Variants in VPS26C observed in about 807,000 individuals in gnomAD.
VPS26C encodes VPS26 endosomal protein sorting factor C.
VPS26C carries 19 observed loss-of-function variants against 30.6 expected under a neutral mutation model. That is an observed-to-expected ratio of 0.62 (90% confidence interval 0.43 to 0.91). The LOEUF (loss-of-function observed/expected upper bound fraction) is 0.91, where lower values mean the gene tolerates loss of function less well. Ranked by LOEUF, VPS26C falls within the 40% of genes least tolerant of loss-of-function variation. VPS26C has a pLI of 0.00. For synonymous variants in VPS26C, 132 were observed against 151.5 expected, an observed-to-expected ratio of 0.87 and a Z score of 0.95; for missense variants, 318 against 385.1, an observed-to-expected ratio of 0.83 and a Z score of 1.46.
At chr21:37,234,829 T>G (rs1385652429) in intron 3 of VPS26C, among the ~76,000 whole-genome samples, 2 of 152,026 alleles carry the variant, frequency 1.3e-5, no homozygotes, top group Non-Finnish European at 2.9e-5. Flanking sequence ...GTAGAATATA[T>G]ATACAATATA....
At chr21:37,250,090 G>A (rs1417659282) in intron 1 of VPS26C, among the ~76,000 whole-genome samples, 2 of 151,814 alleles carry the variant, frequency 1.3e-5, no homozygotes, top group Non-Finnish European at 2.9e-5. Flanking sequence ...GATCACCTGA[G>A]ATCAGGAGTT....
chr21:37,261,589 CT>C (rs895629740), intron 1 of VPS26C: 23 of 151,542 alleles, frequency 1.5e-4, no homozygotes, highest in Middle Eastern at 3.4e-3. Flanking sequence ...TTTTGTAAGG[CT>C]ATGGGTGACA....
intron 1 of VPS26C, among the ~76,000 whole-genome samples, chr21:37,246,563 C>T (rs2086139721): frequency 6.6e-6 from 1 of 152,074 alleles, no homozygotes; most frequent in Admixed American, 6.5e-5. Context: ...TGAGGATTAA[C>T]TCCATTTAAT....
At chr21:37,234,365 G>C (rs2085997927) in intron 3 of VPS26C, among the ~76,000 whole-genome samples, 1 of 152,202 alleles carries the variant, frequency 6.6e-6, no homozygotes, top group Non-Finnish European at 1.5e-5. Context: ...GCTGTCCCTA[G>C]GTTAGTTTTC....
chr21:37,240,709 C>T lies in VPS26C; in HGVS notation c.58-70G>A, dbSNP rs1428326484. 5.2e-6 allele frequency: 8 copies of T among 1,543,328 alleles called. No individual in the cohort carries two copies. In the East Asian group the frequency reaches 1.1e-4, roughly 22 times the overall value. On this transcript the variant is annotated intron_variant, in intron 1 of 7. Transcript: ENST00000309117. ...CCATTCTACCTTGTTTATTAGCAAA[C>T]GTAGGTCTCCTTCATCATCAATTTG...
At chr21:37,261,937 C>A (rs2086308498) in intron 1 of VPS26C, 1 of 151,656 alleles carries the variant, frequency 6.6e-6, no homozygotes, top group Non-Finnish European at 1.5e-5. Flanking sequence ...AATTCACTCA[C>A]CTATTAAAAA....
intron 1 of VPS26C, 32 bp downstream of exon 1, chr21:37,267,206 C>CCCCAACAA: frequency 7.3e-6 from 7 of 962,932 alleles, no homozygotes; most frequent in Non-Finnish European, 1.2e-5. Flanking sequence ...CGCCCAACCC[C>CCCCAACAA]ACCTCCATCC....
At chr21:37,245,000 A>G (rs2086123358) in intron 1 of VPS26C, among the ~76,000 whole-genome samples, 2 of 152,222 alleles carry the variant, frequency 1.3e-5, no homozygotes. Context: ...TGGTTACTGC[A>G]TGGGCTCATG....
rs151019707 is a variant in VPS26C at position 37,257,009 on chromosome 21, G to A, written c.57+10229C>T. 2.0e-5 allele frequency among the ~76,000 whole-genome samples: 3 copies of A among 152,220 alleles called. No individual in the cohort carries two copies. The highest frequency in any genetic ancestry group is 7.2e-5 in the African/African-American group (3 of 41,506). On this transcript the variant is annotated intron_variant, in intron 1 of 7. Coordinates refer to ENST00000309117, the MANE Select transcript of VPS26C (RefSeq NM_006052.2). This position sits in a 1 kb window ranked among gnomAD's most constrained non-coding sequence, Gnocchi z 4.2. ...TAGCCAAGCGTGGTAGCACGCACCT[G>A]TAATCCCAGCTACTCGGGAGGCTGA... is the stretch of plus-strand genomic sequence containing the variant.
At chr21:37,227,899 A>G (rs1484741282) in intron 6 of VPS26C, 93 bp from the exon 7 acceptor site, 1 of 1,516,716 alleles carries the variant, frequency 6.6e-7, no homozygotes, top group South Asian at 1.2e-5. Context: ...TGCTCCAAGA[A>G]TCCTCCAGGG....
At chr21:37,239,355 T>C (rs951305204) in intron 2 of VPS26C, among the ~76,000 whole-genome samples, 5 of 152,234 alleles carry the variant, frequency 3.3e-5, no homozygotes, top group African/African-American at 1.2e-4. Context: ...CTTCACTCTT[T>C]TCCCTGCAAA....
intron 1 of VPS26C, among the ~76,000 whole-genome samples, chr21:37,251,658 G>A (rs1313651698): frequency 6.6e-6 from 1 of 152,160 alleles, no homozygotes; most frequent in Admixed American, 6.5e-5. Flanking sequence ...AGGGGGTATC[G>A]ATCTTGAAAT....
chr21:37,239,917 A>G (rs1040664640), intron 2 of VPS26C, among the ~76,000 whole-genome samples: 2 of 152,258 alleles, frequency 1.3e-5, no homozygotes, highest in Admixed American at 1.3e-4. Flanking sequence ...TTAATGGCTG[A>G]AATTAATACA....
At chr21:37,253,095 G>A (rs1016707464) in intron 1 of VPS26C, among the ~76,000 whole-genome samples, 6 of 152,156 alleles carry the variant, frequency 3.9e-5, no homozygotes, top group Non-Finnish European at 8.8e-5. Context: ...GGACAATTGA[G>A]TCATATTCTA....
At chr21:37,230,777 G>A (rs7277946) in intron 5 of VPS26C, 7,945 of 152,474 alleles carry the variant, frequency 0.052, 415 homozygotes, top group African/African-American at 0.14. Context: ...GAGAGCGGGT[G>A]TGCTCGCAGG....
intron 3 of VPS26C, chr21:37,237,263 G>T (rs1318130586): frequency 6.6e-6 from 1 of 152,148 alleles, no homozygotes; most frequent in South Asian, 2.1e-4. Flanking sequence ...ACATATTCTT[G>T]TATTTTTAAA....
At position 37,257,403 on chromosome 21, in the gene VPS26C, G is replaced by A. The variant is rs987298561; in HGVS notation, c.57+9835C>T. 6.6e-6 allele frequency among the ~76,000 whole-genome samples: 1 copy of A among 152,232 alleles called. No individual in the cohort carries two copies. The highest frequency in any genetic ancestry group is 1.5e-5 in the Non-Finnish European group (1 of 68,046). ...CACGCTCTTCCGAAGCGTCTGGCCT[G>A]TGTGCTCTCGGGGAGGGGACGCAGG... On this transcript the variant is annotated intron_variant, in intron 1 of 7. Coordinates refer to ENST00000309117, the MANE Select transcript of VPS26C (RefSeq NM_006052.2). The surrounding 1 kb of genome is among the most constrained non-coding windows in gnomAD (Gnocchi z 4.2).
At chr21:37,250,200 G>C (rs1416179240) in intron 1 of VPS26C, among the ~76,000 whole-genome samples, 1 of 152,136 alleles carries the variant, frequency 6.6e-6, no homozygotes, top group African/African-American at 2.4e-5. Context: ...AGCTACTTGG[G>C]AGGCTGAGGC....
intron 7 of VPS26C, 45 bp from the exon 8 acceptor site, chr21:37,225,671 C>G: frequency 6.6e-7 from 1 of 1,515,344 alleles, no homozygotes; most frequent in Non-Finnish European, 9.2e-7. Flanking sequence ...TGTTACCAAG[C>G]AGCGAAACCA....
Sources: allele counts gnomAD v4.1 joint callset (sites outside exome capture counted in the v4.1 genomes callset), GRCh38; gene constraint gnomAD v4.1.1; non-coding constraint Gnocchi (gnomAD v3.1); transcripts MANE v1.5; gene names NCBI Gene and HGNC (gene_info 2026-07-23, HGNC 2026-07-21).